GPC6: variants seen among roughly 807,000 people sequenced by gnomAD.
The protein encoded by GPC6 is glypican 6.
GPC6 carries 14 observed loss-of-function variants against 55.2 expected under a neutral mutation model. That is an observed-to-expected ratio of 0.25 (90% CI 0.17 to 0.40). The LOEUF (loss-of-function observed/expected upper bound fraction) is 0.40, where lower values mean the gene tolerates loss of function less well. GPC6 is among the 10% of genes least tolerant of loss of function. The pLI, the probability that GPC6 is intolerant of heterozygous loss-of-function variation, is 1.00. For missense variants in GPC6, 641 were observed against 708.5 expected (o/e 0.90, Z 1.08); for synonymous variants, 278 against 259.6 (o/e 1.07, Z -0.68).
intron 3 of GPC6, among the ~76,000 whole-genome samples, chr13:93,982,091 A>G (rs1880829826): frequency 6.6e-6 from 1 of 152,166 alleles, no homozygotes; most frequent in Admixed American, 6.6e-5. Flanking sequence ...GAAATTTTCT[A>G]TGGCGTTGAA....
intron 2 of GPC6, among the ~76,000 whole-genome samples, chr13:93,810,579 T>C (rs1483082034): frequency 6.6e-6 from 1 of 152,184 alleles, no homozygotes; most frequent in African/African-American, 2.4e-5. Context: ...GTCATTGTGC[T>C]ACCTTTCAGG....
intron 3 of GPC6, among the ~76,000 whole-genome samples, chr13:93,867,271 T>A (rs570185889): frequency 2.0e-5 from 3 of 151,780 alleles, no homozygotes; most frequent in Non-Finnish European, 4.4e-5. Context: ...ATTTTACAGT[T>A]GGTTTAATAA....
At chr13:94,185,828 AG>A (rs988672231) in intron 4 of GPC6, among the ~76,000 whole-genome samples, 2 of 152,004 alleles carry the variant, frequency 1.3e-5, no homozygotes, top group African/African-American at 4.8e-5. Flanking sequence ...CAGGAGGCTG[AG>A]GTGGGCGGAT....
chr13:93,645,288 T>A (rs917907653), intron 2 of GPC6, among the ~76,000 whole-genome samples: 1 of 151,914 alleles, frequency 6.6e-6, no homozygotes, highest in Non-Finnish European at 1.5e-5. Context: ...GGAGGACCAA[T>A]GTTTTAAATA....
At chr13:94,203,533 A>C (rs952443479) in intron 4 of GPC6, among the ~76,000 whole-genome samples, 2 of 152,124 alleles carry the variant, frequency 1.3e-5, no homozygotes, top group African/African-American at 2.4e-5. Flanking sequence ...ACCATAATAA[A>C]TATTAAGGTA....
chr13:93,257,851 A>C (rs1355764448), intron 1 of GPC6, among the ~76,000 whole-genome samples: 6 of 152,222 alleles, frequency 3.9e-5, no homozygotes, highest in Admixed American at 3.9e-4. Context: ...TAAATTTCTC[A>C]AATCATTGAG....
intron 4 of GPC6, among the ~76,000 whole-genome samples, chr13:94,281,817 C>A (rs9516381): frequency 0.35 from 53,151 of 152,034 alleles, 9,588 homozygotes; most frequent in Non-Finnish European, 0.38. Flanking sequence ...AGAAATGGTT[C>A]CTCACCTGAA....
chr13:94,353,203 A>G (rs1479618276), intron 6 of GPC6, among the ~76,000 whole-genome samples: 2 of 152,102 alleles, frequency 1.3e-5, no homozygotes, highest in African/African-American at 4.8e-5. Flanking sequence ...CTTCTGCTGA[A>G]CCACCCAGCA....
intron 4 of GPC6, among the ~76,000 whole-genome samples, chr13:94,231,769 T>C (rs538265690): frequency 6.6e-6 from 1 of 152,184 alleles, no homozygotes; most frequent in East Asian, 1.9e-4. Context: ...TCAGAGGAAA[T>C]AATAGACTTT....
At chr13:93,296,028 G>T (rs989898561) in intron 1 of GPC6, among the ~76,000 whole-genome samples, 1 of 152,066 alleles carries the variant, frequency 6.6e-6, no homozygotes, top group African/African-American at 2.4e-5. Flanking sequence ...TTTATGGGAG[G>T]TCTACCCTCA....
intron 4 of GPC6, among the ~76,000 whole-genome samples, chr13:94,228,746 C>T (rs928667852): frequency 6.6e-6 from 1 of 151,372 alleles, no homozygotes; most frequent in African/African-American, 2.4e-5. Context: ...TCCCATCCTC[C>T]AGTGGGGTTT....
chr13:94,028,033 T>C, intron 4 of GPC6, 139 bp downstream of exon 4: 1 of 789,694 alleles, frequency 1.3e-6, no homozygotes. Flanking sequence ...GGGAGGCCAG[T>C]ACAGATGGAT....
chr13:93,473,004 T>C (rs1164731567), intron 1 of GPC6, among the ~76,000 whole-genome samples: 1 of 152,158 alleles, frequency 6.6e-6, no homozygotes, highest in Non-Finnish European at 1.5e-5. Context: ...AGTTGACCCA[T>C]CATCTGCTCA....
chr13:94,331,956 T>C (rs17196161), intron 6 of GPC6, among the ~76,000 whole-genome samples: 6,841 of 152,298 alleles, frequency 0.045, 222 homozygotes, highest in East Asian at 0.094. Flanking sequence ...CAATAAGCGA[T>C]GGAGAAATCT....
chr13:93,590,314 A>C (rs758469969), intron 2 of GPC6, among the ~76,000 whole-genome samples: 5 of 152,208 alleles, frequency 3.3e-5, no homozygotes, highest in Non-Finnish European at 7.3e-5. Flanking sequence ...TGTTCGTCTT[A>C]TCTAATGAAT....
chr13:94,144,088 C>T (rs1887473951), intron 4 of GPC6, among the ~76,000 whole-genome samples: 1 of 152,018 alleles, frequency 6.6e-6, no homozygotes, highest in Non-Finnish European at 1.5e-5. Context: ...ATTGCATTAT[C>T]ATTACAAAAG....
intron 6 of GPC6, among the ~76,000 whole-genome samples, chr13:94,331,826 G>T (rs187733633): frequency 7.8e-4 from 119 of 152,310 alleles, no homozygotes; most frequent in Non-Finnish European, 1.4e-3. Flanking sequence ...TCAAGCAAGA[G>T]ATTTCTTCCT....
chr13:93,680,723 T>C (rs781231945), intron 2 of GPC6, among the ~76,000 whole-genome samples: 2 of 152,162 alleles, frequency 1.3e-5, no homozygotes, highest in Admixed American at 6.6e-5. Flanking sequence ...CTAGGCCCTT[T>C]CTATGTGCCC....
chr13:94,068,079 A>T (rs1884597070), intron 4 of GPC6, among the ~76,000 whole-genome samples: 2 of 152,288 alleles, frequency 1.3e-5, no homozygotes, highest in South Asian at 4.1e-4. Flanking sequence ...GTTGGTTTTC[A>T]TGCTGCTAAT....
Sources: gnomAD v4.1 joint callset for allele counts (sites outside exome capture counted in the v4.1 genomes callset) on GRCh38, gnomAD v4.1.1 for gene constraint, MANE v1.5 for transcripts, NCBI Gene and HGNC (gene_info 2026-07-23, HGNC 2026-07-21) for gene names.